ZBTB20: variants seen among roughly 807,000 people sequenced by gnomAD.
ZBTB20 encodes the protein zinc finger and BTB domain containing 20.
Under a neutral mutation model 56.9 loss-of-function variants are expected in ZBTB20, and 9 were observed. The observed-to-expected ratio is 0.16, with a 90% CI of 0.10 to 0.28. ZBTB20 has a LOEUF of 0.28. Among genes scored for constraint, ZBTB20 ranks in the 10% least tolerant of loss-of-function variants. ZBTB20 has a pLI of 1.00. For synonymous variants in ZBTB20, 417 were observed against 420.7 expected (o/e 0.99, Z 0.11); for missense variants, 655 against 1,003.0 (o/e 0.65, Z 4.69).
chr3:114,557,450 T>G (rs1429866106), intron 6 of ZBTB20, among the ~76,000 whole-genome samples: 1 of 152,038 alleles, frequency 6.6e-6, no homozygotes, highest in African/African-American at 2.4e-5. Flanking sequence ...ATTTGCAGTA[T>G]GTTTTTCATA....
intron 7 of ZBTB20, among the ~76,000 whole-genome samples, chr3:114,399,228 A>G (rs1406453190): frequency 6.6e-6 from 1 of 152,108 alleles, no homozygotes; most frequent in Admixed American, 6.6e-5. Flanking sequence ...GCAATTTCAT[A>G]TTTTAGCAGA....
chr3:114,796,800 C>T (rs377306191), intron 5 of ZBTB20, among the ~76,000 whole-genome samples: 2 of 151,962 alleles, frequency 1.3e-5, no homozygotes, highest in East Asian at 1.9e-4. Flanking sequence ...CTCAGAGAAA[C>T]TAGTGTGATT....
chr3:114,323,294 A>G lies in ZBTB20; in HGVS notation c.*15711T>C, dbSNP rs957025380. On this transcript the variant is annotated 3_prime_UTR_variant, in exon 12 of 12. Coordinates refer to ENST00000675478, the MANE Select transcript of ZBTB20 (RefSeq NM_001348800.3). ...ATGATGGAGCAGCTAGTATGTTCTA[A>G]TCCATCCTCCAATGTCCAAGTTGGC... The G allele has an allele frequency of 3.9e-5, 6 of 152,244 alleles. No homozygotes were observed. Among genetic ancestry groups the G allele is most frequent in the Non-Finnish European group, 7.3e-5 (5 of 68,056 alleles). 9.4% of individuals were successfully genotyped at this position (152,244 alleles called of 1,614,324 possible).
At chr3:114,626,426 A>G (rs1200559528) in intron 6 of ZBTB20, among the ~76,000 whole-genome samples, 1 of 152,158 alleles carries the variant, frequency 6.6e-6, no homozygotes, top group African/African-American at 2.4e-5. Flanking sequence ...CATTCAGTAA[A>G]TTGCTTATTA....
intron 6 of ZBTB20, among the ~76,000 whole-genome samples, chr3:114,565,994 T>C (rs1042350781): frequency 1.3e-5 from 2 of 149,514 alleles, no homozygotes; most frequent in Non-Finnish European, 3.0e-5. Flanking sequence ...CAACAATACA[T>C]ACATTTTTTC....
At chr3:114,995,892 T>C (rs2079006463) in intron 2 of ZBTB20, among the ~76,000 whole-genome samples, 1 of 151,886 alleles carries the variant, frequency 6.6e-6, no homozygotes, top group Non-Finnish European at 1.5e-5. Context: ...CGTATGCCAG[T>C]TCCTCACATC....
intron 2 of ZBTB20, among the ~76,000 whole-genome samples, chr3:115,050,814 A>G (rs1300236920): frequency 6.6e-6 from 1 of 152,114 alleles, no homozygotes; most frequent in Non-Finnish European, 1.5e-5. Flanking sequence ...ATCACTGTGT[A>G]GTTTTCCCTA....
intron 5 of ZBTB20, among the ~76,000 whole-genome samples, chr3:114,776,286 A>G (rs1416364636): frequency 2.6e-5 from 4 of 151,978 alleles, no homozygotes; most frequent in Admixed American, 6.6e-5. Flanking sequence ...CTTTGCAGGT[A>G]TAATTAAATT....
At chr3:114,916,284 C>T (rs771972085) in intron 3 of ZBTB20, among the ~76,000 whole-genome samples, 9 of 152,006 alleles carry the variant, frequency 5.9e-5, no homozygotes, top group Non-Finnish European at 1.2e-4. Context: ...GCTAAACTGA[C>T]CCCTTTATAA....
At chr3:114,407,733 A>C (rs895972388) in intron 7 of ZBTB20, among the ~76,000 whole-genome samples, 2 of 152,182 alleles carry the variant, frequency 1.3e-5, no homozygotes, top group African/African-American at 4.8e-5. Flanking sequence ...GTAACATCTG[A>C]TCATCTTTTT....
chr3:115,020,262 T>C (rs1320000596), intron 2 of ZBTB20, among the ~76,000 whole-genome samples: 2 of 151,212 alleles, frequency 1.3e-5, no homozygotes, highest in African/African-American at 2.4e-5. Context: ...AATTGATATA[T>C]GTGTGAGCAT....
intron 3 of ZBTB20, among the ~76,000 whole-genome samples, chr3:114,963,578 G>C (rs1309917012): frequency 1.3e-5 from 2 of 152,134 alleles, no homozygotes; most frequent in Non-Finnish European, 2.9e-5. Context: ...CTAAATTCAA[G>C]ATCCTAGGTT....
At chr3:114,767,653 G>GA (rs937813425) in intron 5 of ZBTB20, among the ~76,000 whole-genome samples, 1 of 150,506 alleles carries the variant, frequency 6.6e-6, no homozygotes, top group Non-Finnish European at 1.5e-5. Flanking sequence ...AAGAAGGAAA[G>GA]AAAAAAAAGG....
intron 1 of ZBTB20, among the ~76,000 whole-genome samples, chr3:115,080,431 T>C (rs1040799391): frequency 6.6e-6 from 1 of 152,114 alleles, no homozygotes; most frequent in South Asian, 2.1e-4. Context: ...AATAGGAGAC[T>C]ATAAAGTTAA....
intron 5 of ZBTB20, among the ~76,000 whole-genome samples, chr3:114,752,248 TCGTA>T (rs1186190830): frequency 7.8e-5 from 3 of 38,542 alleles, no homozygotes; most frequent in Non-Finnish European, 1.8e-4. Context: ...AATCTGACTC[TCGTA>T]TCTATCTACT....
intron 6 of ZBTB20, among the ~76,000 whole-genome samples, chr3:114,575,485 C>T (rs983934937): frequency 6.6e-6 from 1 of 151,746 alleles, no homozygotes; most frequent in Non-Finnish European, 1.5e-5. Context: ...CAGATTTTCA[C>T]TAAGTTTCTT....
chr3:114,735,551 C>T (rs916337880), intron 5 of ZBTB20, among the ~76,000 whole-genome samples: 2 of 152,070 alleles, frequency 1.3e-5, no homozygotes, highest in African/African-American at 2.4e-5. Flanking sequence ...AACCATCATA[C>T]ATCAAAAGAA....
At chr3:114,781,548 T>C (rs1464753185) in intron 5 of ZBTB20, among the ~76,000 whole-genome samples, 1 of 152,216 alleles carries the variant, frequency 6.6e-6, no homozygotes, top group Admixed American at 6.5e-5. Flanking sequence ...GTGTGGTTTC[T>C]TTAGACATGT....
chr3:114,390,001 G>A (rs775499128), intron 7 of ZBTB20, among the ~76,000 whole-genome samples: 1 of 150,830 alleles, frequency 6.6e-6, no homozygotes, highest in African/African-American at 2.4e-5. Context: ...TCTTATTAAC[G>A]ATAGTCATGA....
Sources: allele counts gnomAD v4.1 joint callset (sites outside exome capture counted in the v4.1 genomes callset), GRCh38; gene constraint gnomAD v4.1.1; transcripts MANE v1.5; gene names NCBI Gene and HGNC (gene_info 2026-07-23, HGNC 2026-07-21).